Variants in CNKSR3 observed in about 807,000 individuals in gnomAD.
CNKSR3 encodes CNKSR family member 3.
Under a neutral mutation model 67.7 loss-of-function variants are expected in CNKSR3, and 36 were observed. The ratio of observed to expected loss-of-function variants is 0.53; its 90% CI spans 0.41 to 0.70. The LOEUF is 0.70. Ranked by LOEUF, CNKSR3 falls within the 30% of genes least tolerant of loss-of-function variation. The pLI is 0.00. For missense variants in CNKSR3, 630 were observed against 695.2 expected (o/e 0.91, Z 1.05); for synonymous variants, 281 against 271.4 (o/e 1.04, Z -0.35).
At chr6:154,456,027 A>G (rs1353178136) in intron 1 of CNKSR3, among the ~76,000 whole-genome samples, 2 of 152,174 alleles carry the variant, frequency 1.3e-5, no homozygotes, top group Non-Finnish European at 2.9e-5. Flanking sequence ...ACAAAACAAC[A>G]ACAACAAAAA....
In CNKSR3 at chr6:154,510,192, G is replaced by C. The variant is rs1332915981; in HGVS notation, c.-78C>G. 1 of 1,558,788 alleles carries C rather than the reference G, an allele frequency of 6.4e-7. No homozygotes were observed. Among genetic ancestry groups the C allele is most frequent in the Non-Finnish European group, 8.8e-7 (1 of 1,133,716 alleles). On this transcript the variant is annotated 5_prime_UTR_variant, in exon 1 of 13. Coordinates refer to ENST00000607772, the MANE Select transcript of CNKSR3 (RefSeq NM_173515.4). ...TGCCTGCGCTCCGGTGCCCCTTCCC[G>C]GGAGGGCGCGCCCGCGGCTGCTCCC...
At chr6:154,467,756 T>A (rs5020787) in intron 1 of CNKSR3, among the ~76,000 whole-genome samples, 22,658 of 151,566 alleles carry the variant, frequency 0.15, 2,000 homozygotes, top group African/African-American at 0.25. Context: ...TATATATATA[T>A]CATTTTTGTT....
intron 10 of CNKSR3, among the ~76,000 whole-genome samples, chr6:154,413,830 C>T (rs1028703151): frequency 6.6e-6 from 1 of 152,172 alleles, no homozygotes; most frequent in African/African-American, 2.4e-5. Context: ...TCACTGCAAC[C>T]TCCACCTCCT....
At chr6:154,484,611 AGAATCGCCG>A (rs1297477417) in intron 1 of CNKSR3, among the ~76,000 whole-genome samples, 1 of 151,660 alleles carries the variant, frequency 6.6e-6, no homozygotes, top group Non-Finnish European at 1.5e-5. Flanking sequence ...CTGAGGCAGA[AGAATCGCCG>A]GAACCCAGGA....
chr6:154,451,937 A>C (rs1400261309), intron 1 of CNKSR3, among the ~76,000 whole-genome samples: 1 of 152,194 alleles, frequency 6.6e-6, no homozygotes, highest in East Asian at 1.9e-4. Flanking sequence ...CTTGAGCTAC[A>C]GGTGGCCTTC....
chr6:154,431,546 G>A (rs900014706), intron 5 of CNKSR3, among the ~76,000 whole-genome samples: 2 of 151,544 alleles, frequency 1.3e-5, no homozygotes, highest in African/African-American at 2.4e-5. Context: ...ACTTTTTGTG[G>A]TGTACATTCT....
At position 154,389,410 on chromosome 6, in the gene CNKSR3, A is replaced by T. The variant is rs1306729756; in HGVS notation, c.*16944T>A. On this transcript the variant is annotated 3_prime_UTR_variant, in exon 13 of 13. Coordinates refer to ENST00000607772, the MANE Select transcript of CNKSR3 (RefSeq NM_173515.4). Reference sequence around the variant, plus strand: ...AGATCAGTTGACAATATACATGTGAATCTATTTCTGGACTCTCTATTCTGT... The same window carrying T: ...AGATCAGTTGACAATATACATGTGATTCTATTTCTGGACTCTCTATTCTGT... 1.3e-5 allele frequency: 2 copies of T among 152,324 alleles called. No homozygotes were observed. Among genetic ancestry groups the T allele is most frequent in the Admixed American group, 6.5e-5 (1 of 15,276 alleles). The allele number at this position is 152,324 out of a possible 1,614,324, so 9.4% of individuals were successfully genotyped here.
intron 1 of CNKSR3, among the ~76,000 whole-genome samples, chr6:154,483,528 A>AGC (rs1450624693): frequency 6.6e-6 from 1 of 152,124 alleles, no homozygotes; most frequent in African/African-American, 2.4e-5. Flanking sequence ...TTATCCTCGA[A>AGC]AACCATCCTC....
chr6:154,409,908 G>A (rs1011863601), intron 12 of CNKSR3, among the ~76,000 whole-genome samples: 1 of 134,676 alleles, frequency 7.4e-6, no homozygotes, highest in Non-Finnish European at 1.6e-5. Context: ...TTAGCCAGCC[G>A]TGGTGGCGTG....
In CNKSR3 at chr6:154,387,911, AT is replaced by A. The variant is rs1784566745; in HGVS notation, c.*18442del. 1 of 152,206 alleles carries A rather than the reference AT, an allele frequency of 6.6e-6. No homozygotes were observed. The highest frequency in any genetic ancestry group is 1.5e-5 in the Non-Finnish European group (1 of 68,038). 9.4% of individuals were successfully genotyped at this position (152,206 alleles called of 1,614,324 possible). A position where few individuals can be genotyped will look rare whatever the true frequency, so the allele number is the denominator to read the frequency against. ...CTCTCTCTCCCTTAAATAGGTTTAAATTTGCTTTTCAAAATAAACAGCAAAT... is the reference window on the plus strand; with the variant it reads ...CTCTCTCTCCCTTAAATAGGTTTAAATTGCTTTTCAAAATAAACAGCAAAT... On this transcript the variant is annotated 3_prime_UTR_variant, in exon 13 of 13. Coordinates refer to ENST00000607772, the MANE Select transcript of CNKSR3 (RefSeq NM_173515.4).
intron 3 of CNKSR3, 129 bp from the exon 4 acceptor site, chr6:154,441,508 G>C: frequency 4.4e-6 from 3 of 677,474 alleles, no homozygotes; most frequent in Non-Finnish European, 7.7e-6. Flanking sequence ...GTTTGAGACT[G>C]TGTCTCACTC....
intron 5 of CNKSR3, 80 bp downstream of exon 5, chr6:154,433,386 G>A (rs748791034): frequency 8.6e-6 from 8 of 932,150 alleles, no homozygotes; most frequent in Non-Finnish European, 1.2e-5. Flanking sequence ...GAAGTAATTA[G>A]CCACAGGGCA....
chr6:154,428,744 C>T (rs56722894), intron 6 of CNKSR3, among the ~76,000 whole-genome samples: 9,684 of 151,786 alleles, frequency 0.064, 532 homozygotes, highest in East Asian at 0.21. Flanking sequence ...TGGTTTCAAA[C>T]TCCTGGGCTC....
chr6:154,456,602 G>C (rs1785963332), intron 1 of CNKSR3, among the ~76,000 whole-genome samples: 1 of 149,266 alleles, frequency 6.7e-6, no homozygotes, highest in South Asian at 2.1e-4. Context: ...AGCTACTCAG[G>C]ATGCTGAGGC....
At chr6:154,471,621 A>G (rs943634426) in intron 1 of CNKSR3, among the ~76,000 whole-genome samples, 1 of 152,234 alleles carries the variant, frequency 6.6e-6, no homozygotes, top group Non-Finnish European at 1.5e-5. Flanking sequence ...CTGCTTATTC[A>G]TGCTAAAAGA....
chr6:154,406,118 C>T lies in CNKSR3; in HGVS notation c.*236G>A, dbSNP rs1027518844. On this transcript the variant is annotated 3_prime_UTR_variant, in exon 13 of 13. Coordinates refer to ENST00000607772, the MANE Select transcript of CNKSR3 (RefSeq NM_173515.4). ...TCTATCTCTGGGGAAGCAAGACAAA[C>T]AGGCTCTACCCATTTCCCTCCTTTT... 2.0e-6 allele frequency: 1 copy of T among 512,466 alleles called. No homozygotes were observed. Among genetic ancestry groups the T allele is most frequent in the African/African-American group, 1.9e-5 (1 of 52,398 alleles). 31.7% of individuals were successfully genotyped at this position (512,466 alleles called of 1,614,324 possible).
intron 1 of CNKSR3, among the ~76,000 whole-genome samples, chr6:154,501,069 G>A (rs1167602560): frequency 6.6e-6 from 1 of 152,176 alleles, no homozygotes; most frequent in Non-Finnish European, 1.5e-5. Flanking sequence ...GGCCAGAGAG[G>A]AGCCAGGGGC....
intron 1 of CNKSR3, among the ~76,000 whole-genome samples, chr6:154,503,462 A>G (rs1787037599): frequency 6.6e-6 from 1 of 151,922 alleles, no homozygotes; most frequent in Non-Finnish European, 1.5e-5. Flanking sequence ...CCATCTCTAC[A>G]AAGATTTTTT....
intron 4 of CNKSR3, among the ~76,000 whole-genome samples, chr6:154,436,918 T>C (rs1462757618): frequency 6.6e-6 from 1 of 152,216 alleles, no homozygotes; most frequent in Non-Finnish European, 1.5e-5. Context: ...ATGTGCAGTT[T>C]CCTTGCAGGA....
Sources: allele counts gnomAD v4.1 joint callset (sites outside exome capture counted in the v4.1 genomes callset), GRCh38; gene constraint gnomAD v4.1.1; transcripts MANE v1.5; gene names NCBI Gene and HGNC (gene_info 2026-07-23, HGNC 2026-07-21).